Variants in CCDC197 observed in about 807,000 individuals in gnomAD.
CCDC197 encodes uncharacterized protein CCDC197.
CCDC197 carries 24 observed loss-of-function variants against 13.4 expected under a neutral mutation model. The ratio of observed to expected loss-of-function variants is 1.80; its 90% CI spans 1.30 to 2.53. CCDC197 has a LOEUF of 2.53. Ranked by LOEUF, CCDC197 falls within the 30% of genes most tolerant of loss-of-function variation. CCDC197 has a pLI of 0.00. For missense variants in CCDC197, 255 were observed against 148.8 expected, an observed-to-expected ratio of 1.71 and a Z score of -3.71; for synonymous variants, 99 against 55.5, an observed-to-expected ratio of 1.78 and a Z score of -3.48.
chr14:93,987,844 A>G (rs892230850), intron 1 of CCDC197, among the ~76,000 whole-genome samples: 10 of 150,910 alleles, frequency 6.6e-5, no homozygotes, highest in Admixed American at 1.3e-4. Flanking sequence ...AAATGCCATG[A>G]GCCCTGCTAA....
downstream of CCDC197, among the ~76,000 whole-genome samples, chr14:94,011,589 T>C (rs564795221): frequency 2.6e-5 from 4 of 152,386 alleles, no homozygotes; most frequent in African/African-American, 9.6e-5. Context: ...CGCTCCCCCA[T>C]GACCCTGCAC....
Position 94,003,224 on chromosome 14 carries a change from G to A in CCDC197, c.368G>A (p.Ser123Asn), listed in dbSNP as rs1449944629. The A allele has an allele frequency of 2.6e-6, 2 of 780,346 alleles. No homozygotes were observed. Among genetic ancestry groups the A allele is most frequent in the Non-Finnish European group, 4.8e-6 (2 of 418,004 alleles). The allele number at this position is 780,346 out of a possible 1,614,324, so 48.3% of individuals were successfully genotyped here. Residue 123 changes from serine to asparagine, a missense_variant and splice_region_variant, in exon 5 of 7, where the codon AGC becomes AAC. Physicochemically the swap from Ser to Asn is conservative, Grantham distance 46. Transcript: ENST00000636493. This position sits in a 1 kb window ranked among gnomAD's most constrained non-coding sequence, Gnocchi z 5.0. Reference sequence around the variant, plus strand: ...GATGGCCCATTCCCTCTGCCCCAGAGCCTCAAGATCCGGCTGTGTCAGCTG... The same window carrying A: ...GATGGCCCATTCCCTCTGCCCCAGAACCTCAAGATCCGGCTGTGTCAGCTG... The part of the protein sequence containing the change: ...LEEDHRALML[S>N]LKIRLCQLQK...
intron 1 of CCDC197, among the ~76,000 whole-genome samples, chr14:93,991,256 G>A (rs367828745): frequency 1.3e-3 from 202 of 152,286 alleles, no homozygotes; most frequent in African/African-American, 4.5e-3. Flanking sequence ...GGGAGGGGAT[G>A]AGCTGCCCAT....
chr14:94,004,707 A>G (rs990538019), intron 5 of CCDC197, 148 bp from the exon 6 acceptor site: 3 of 573,044 alleles, frequency 5.2e-6, no homozygotes, highest in Non-Finnish European at 9.4e-6. Context: ...CGAGCCCCGC[A>G]GGAGAGGAAT....
At chr14:94,008,029 G>T (rs1890735218) in intron 6 of CCDC197, among the ~76,000 whole-genome samples, 1 of 152,204 alleles carries the variant, frequency 6.6e-6, no homozygotes, top group Non-Finnish European at 1.5e-5. Flanking sequence ...ATATTGCAAA[G>T]AAATGAGATT....
upstream of CCDC197, among the ~76,000 whole-genome samples, chr14:93,992,540 C>T (rs1890232320): frequency 6.6e-6 from 1 of 152,218 alleles, no homozygotes; most frequent in African/African-American, 2.4e-5. Context: ...CCCCTCAGCC[C>T]TGGTTCCCTC....
downstream of CCDC197, among the ~76,000 whole-genome samples, chr14:94,009,290 C>T: frequency 6.6e-6 from 1 of 152,194 alleles, no homozygotes; most frequent in East Asian, 1.9e-4. Context: ...GGGGGCATCT[C>T]ATCACTTTCT....
At chr14:94,010,549 C>T (rs557379980), downstream of CCDC197, among the ~76,000 whole-genome samples, 23 of 152,286 alleles carry the variant, frequency 1.5e-4, no homozygotes, top group South Asian at 1.5e-3. Flanking sequence ...GCCGCTGTTC[C>T]GAGTTTCTTG....
At chr14:93,996,589 C>A (rs2141346018), upstream of CCDC197, among the ~76,000 whole-genome samples, 1 of 152,310 alleles carries the variant, frequency 6.6e-6, no homozygotes, top group African/African-American at 2.4e-5. Context: ...GCTCCTGCCT[C>A]CTTCACCCTC....
At chr14:94,009,741 G>C (rs528787954), downstream of CCDC197, among the ~76,000 whole-genome samples, 1 of 152,014 alleles carries the variant, frequency 6.6e-6, no homozygotes, top group Non-Finnish European at 1.5e-5. Context: ...AAAAAAACAG[G>C]GGTGGTGGTG....
intron 4 of CCDC197, among the ~76,000 whole-genome samples, chr14:94,002,275 TC>T (rs1348318027): frequency 6.6e-6 from 1 of 152,044 alleles, no homozygotes; most frequent in African/African-American, 2.4e-5. Context: ...TCTCTCTCTT[TC>T]TTTCTTTCCT....
chr14:94,008,616 T>C lies in CCDC197; in HGVS notation c.623T>C (p.Met208Thr), dbSNP rs1890749525. 1.4e-6 allele frequency: 1 copy of C among 701,730 alleles called. No individual in the cohort carries two copies. Among genetic ancestry groups the C allele is most frequent in the Non-Finnish European group, 2.6e-6 (1 of 383,910 alleles). The allele number at this position is 701,730 out of a possible 1,614,324, so 43.5% of individuals were successfully genotyped here. Residue 208 changes from methionine (M) to threonine (T), a missense_variant, in exon 7 of 7, where the codon ATG becomes ACG. By Grantham distance (81) the Met-to-Thr change is moderately conservative. Coordinates refer to ENST00000636493, the MANE Select transcript of CCDC197 (RefSeq NM_001351596.2). ...FSKLDLIKEF[M>T]LDKMETVRLI... ...ATTTATTTTCCCTCCCAGGAGTTCA[T>C]GTTGGACAAAATGGAGACTGTAAGA...
At position 94,008,846 on chromosome 14, in the gene CCDC197, G is replaced by A. The variant is rs983731576; in HGVS notation, c.*34G>A. ...CGCCTTGCAGGCCCCATGGCATCAC[G>A]ACCTCTCCTTACCTGCCTGCCTCCT... On this transcript the variant is annotated 3_prime_UTR_variant, in exon 7 of 7. Coordinates refer to ENST00000636493, the MANE Select transcript of CCDC197 (RefSeq NM_001351596.2). 3.5e-5 allele frequency: 24 copies of A among 682,674 alleles called. No homozygotes were observed. The highest frequency in any genetic ancestry group is 2.5e-4 in the African/African-American group (14 of 56,864). The allele number at this position is 682,674 out of a possible 1,614,324, so 42.3% of individuals were successfully genotyped here.
rs1890377630 is a variant in CCDC197, at chr14:93,998,159, G to C, written c.28G>C (p.Ala10Pro). 1 of 780,720 alleles carries C rather than the reference G, an allele frequency of 1.3e-6. No individual in the cohort carries two copies. 48.4% of individuals were successfully genotyped at this position (780,720 alleles called of 1,614,324 possible). A position where few individuals can be genotyped will look rare whatever the true frequency, so the allele number is the denominator to read the frequency against. Residue 10 changes from alanine to proline, a missense_variant, in exon 2 of 7, where the codon GCT becomes CCT. By Grantham distance (27) the Ala-to-Pro change is conservative. Coordinates refer to ENST00000636493, the MANE Select transcript of CCDC197 (RefSeq NM_001351596.2). Reference sequence around the variant, plus strand: ...GGCAGCCATGGACACAGGCCAGAGAGCTGACCCAAGCAATCCTGGTGACAA... The same window carrying C: ...GGCAGCCATGGACACAGGCCAGAGACCTGACCCAAGCAATCCTGGTGACAA... MAAMDTGQR[A>P]DPSNPGDKEG...
At position 94,003,130 on chromosome 14, in the gene CCDC197, C is replaced by G. The variant is rs909203845; in HGVS notation, c.367-93C>G. ...ACCCACAAGTATTCCTTCCTCCTATCCTGTCATTGCACAGACCACCCTGGG... is the reference window on the plus strand; with the variant it reads ...ACCCACAAGTATTCCTTCCTCCTATGCTGTCATTGCACAGACCACCCTGGG... On this transcript the variant is annotated intron_variant, in intron 4 of 6. Transcript: ENST00000636493. The surrounding 1 kb of genome is among the most constrained non-coding windows in gnomAD (Gnocchi z 5.0). 1.3e-5 allele frequency: 9 copies of G among 680,704 alleles called. No individual in the cohort carries two copies. The Middle Eastern group carries it at 1.2e-3, about 94-fold the overall frequency. The allele number at this position is 680,704 out of a possible 1,614,324, so 42.2% of individuals were successfully genotyped here.
At chr14:94,000,915 G>T (rs1156487900) in intron 3 of CCDC197, 1 of 402,264 alleles carries the variant, frequency 2.5e-6, no homozygotes, top group African/African-American at 2.2e-5. Context: ...CTCAGTCTCT[G>T]GCTGAACTTT....
At chr14:94,010,931 T>G (rs1429181275), downstream of CCDC197, among the ~76,000 whole-genome samples, 1 of 152,228 alleles carries the variant, frequency 6.6e-6, no homozygotes, top group Non-Finnish European at 1.5e-5. Context: ...CCTGTATCAA[T>G]GCAGAGTGTG....
upstream of CCDC197, among the ~76,000 whole-genome samples, chr14:93,993,008 G>T (rs776328218): frequency 1.3e-5 from 2 of 152,124 alleles, no homozygotes; most frequent in East Asian, 3.9e-4. Flanking sequence ...GAGCTACGTC[G>T]TGCCAGGTCT....
upstream of CCDC197, among the ~76,000 whole-genome samples, chr14:93,993,230 C>T (rs1166101974): frequency 1.3e-5 from 2 of 152,126 alleles, no homozygotes; most frequent in East Asian, 1.9e-4. Flanking sequence ...ATACCTACGA[C>T]GGGTCAGCTC....
Sources: allele counts gnomAD v4.1 joint callset (sites outside exome capture counted in the v4.1 genomes callset), GRCh38; gene constraint gnomAD v4.1.1; non-coding constraint Gnocchi (gnomAD v3.1); transcripts MANE v1.5; gene names NCBI Gene and HGNC (gene_info 2026-07-23, HGNC 2026-07-21).